The following LIN52 variants were observed in gnomAD, a reference collection of about 807,000 sequenced individuals.
LIN52 encodes lin-52 DREAM MuvB core complex component, also known as protein lin-52 homolog.
In LIN52, 4 loss-of-function variants were observed where a neutral mutation model predicts 18.5. The observed-to-expected ratio is 0.22, with a 90% CI of 0.11 to 0.49. LIN52 has a LOEUF of 0.49. Ranked by LOEUF, LIN52 falls within the 20% of genes least tolerant of loss-of-function variation. The probability of loss-of-function intolerance (pLI) is 0.97; values close to 1 mark genes in which losing one functional copy is unlikely to be tolerated. For synonymous variants in LIN52, 34 were observed against 45.5 expected (o/e 0.75, Z 1.02); for missense variants, 102 against 139.5 (o/e 0.73, Z 1.35).
intron 5 of LIN52, among the ~76,000 whole-genome samples, chr14:74,157,871 G>T (rs1237474652): frequency 4.6e-5 from 7 of 152,054 alleles, no homozygotes; most frequent in African/African-American, 1.7e-4. Context: ...GATTTCCTAT[G>T]GAAGAACAAA....
chr14:74,181,956 A>G (rs1327722237), intron 5 of LIN52, among the ~76,000 whole-genome samples: 1 of 152,204 alleles, frequency 6.6e-6, no homozygotes, highest in African/African-American at 2.4e-5. Context: ...TTTAGAGGAA[A>G]AAGTTTTTTA....
At chr14:74,096,443 C>G (rs1399715645) in intron 3 of LIN52, among the ~76,000 whole-genome samples, 1 of 149,250 alleles carries the variant, frequency 6.7e-6, no homozygotes, top group Non-Finnish European at 1.5e-5. Flanking sequence ...TCCTCCTGCT[C>G]CAGCCTCCCA....
chr14:74,165,061 A>G (rs980831342), intron 5 of LIN52, among the ~76,000 whole-genome samples: 1 of 152,204 alleles, frequency 6.6e-6, no homozygotes, highest in Non-Finnish European at 1.5e-5. Context: ...GAGAAAACCA[A>G]GCAAACTGAA....
At chr14:74,120,939 C>T (rs945590798) in intron 5 of LIN52, among the ~76,000 whole-genome samples, 1 of 151,760 alleles carries the variant, frequency 6.6e-6, no homozygotes, top group African/African-American at 2.4e-5. Flanking sequence ...AAGCCAGGCT[C>T]AGTGGTATGC....
intron 5 of LIN52, among the ~76,000 whole-genome samples, chr14:74,181,107 CAAAAAAAAAAAAA>C (rs149099646): frequency 1.0e-5 from 1 of 96,132 alleles, no homozygotes; most frequent in African/African-American, 4.1e-5. Context: ...GACTCTGTCT[CAAAAAAAAAAAAA>C]AAAAAAAAGA....
At chr14:74,171,508 G>GA (rs2061270443) in intron 5 of LIN52, among the ~76,000 whole-genome samples, 1 of 151,626 alleles carries the variant, frequency 6.6e-6, no homozygotes, top group African/African-American at 2.4e-5. Context: ...AATTTTAGTG[G>GA]AAAAAAATTG....
At chr14:74,157,824 GTCA>G (rs971737269) in intron 5 of LIN52, among the ~76,000 whole-genome samples, 10 of 132,324 alleles carry the variant, frequency 7.6e-5, no homozygotes, top group Admixed American at 1.5e-4. Context: ...TTTCCGTAGT[GTCA>G]TCATTCTATG....
chr14:74,192,815 A>T (rs2078887535), intron 5 of LIN52: 1 of 190,010 alleles, frequency 5.3e-6, no homozygotes, highest in African/African-American at 2.4e-5. Context: ...AGCAGACAGG[A>T]GGTGTCTACT....
chr14:74,168,528 C>T (rs1393066280), intron 5 of LIN52, among the ~76,000 whole-genome samples: 4 of 151,684 alleles, frequency 2.6e-5, no homozygotes, highest in Non-Finnish European at 4.4e-5. Flanking sequence ...ATTAGCCAGG[C>T]GTGGTGGTGG....
chr14:74,142,456 T>C (rs536686387), intron 5 of LIN52, among the ~76,000 whole-genome samples: 1 of 152,314 alleles, frequency 6.6e-6, no homozygotes, highest in South Asian at 2.1e-4. Flanking sequence ...TCATGGGATG[T>C]AGGTATACAG....
chr14:74,172,533 G>A (rs186639308), intron 5 of LIN52, among the ~76,000 whole-genome samples: 276 of 152,280 alleles, frequency 1.8e-3, no homozygotes, highest in Admixed American at 4.3e-3. Context: ...TCTTCACTGC[G>A]TGTGCTCTAA....
At chr14:74,191,335 T>C (rs1007210446) in intron 5 of LIN52, among the ~76,000 whole-genome samples, 2 of 152,218 alleles carry the variant, frequency 1.3e-5, no homozygotes, top group African/African-American at 4.8e-5. Context: ...TCCTAATATC[T>C]AGTACATAGT....
At chr14:74,087,072 C>T (rs1269192291) in intron 1 of LIN52, among the ~76,000 whole-genome samples, 1 of 151,912 alleles carries the variant, frequency 6.6e-6, no homozygotes, top group Admixed American at 6.6e-5. Flanking sequence ...TTTTTTTCCC[C>T]TGTCATCTCT....
At chr14:74,085,644 G>A (rs1312046401) in intron 1 of LIN52, 2 of 152,146 alleles carry the variant, frequency 1.3e-5, no homozygotes, top group African/African-American at 4.8e-5. Flanking sequence ...TGTTTCTTAA[G>A]GCTGAGTGAA....
At chr14:74,198,269 T>C (rs939813419) in intron 5 of LIN52, among the ~76,000 whole-genome samples, 10 of 152,176 alleles carry the variant, frequency 6.6e-5, no homozygotes, top group Non-Finnish European at 1.2e-4. Context: ...CTTGTAACTA[T>C]AGCATTCAAA....
At chr14:74,111,440 C>T (rs2060926578) in intron 5 of LIN52, among the ~76,000 whole-genome samples, 2 of 149,640 alleles carry the variant, frequency 1.3e-5, no homozygotes, top group South Asian at 2.2e-4. Flanking sequence ...AGGACAGTGC[C>T]ACCATGCCTG....
At chr14:74,133,370 C>A (rs909102109) in intron 5 of LIN52, among the ~76,000 whole-genome samples, 3 of 152,170 alleles carry the variant, frequency 2.0e-5, no homozygotes, top group African/African-American at 7.2e-5. Context: ...AAAATTAACT[C>A]ACTTTATTCT....
intron 5 of LIN52, among the ~76,000 whole-genome samples, chr14:74,126,303 A>G (rs145497479): frequency 8.7e-4 from 132 of 152,318 alleles, no homozygotes; most frequent in Admixed American, 3.2e-3. Context: ...GTAAAATGGT[A>G]TACTCCCTGT....
At chr14:74,136,339 A>C (rs1043964242) in intron 5 of LIN52, among the ~76,000 whole-genome samples, 2 of 152,224 alleles carry the variant, frequency 1.3e-5, no homozygotes, top group African/African-American at 4.8e-5. Context: ...CCCAGTCAAT[A>C]TGTTGAAAGA....
Sources: allele counts gnomAD v4.1 joint callset (sites outside exome capture counted in the v4.1 genomes callset), GRCh38; gene constraint gnomAD v4.1.1; transcripts MANE v1.5; gene names NCBI Gene and HGNC (gene_info 2026-07-23, HGNC 2026-07-21).